Variants in ATP2B2 observed in about 807,000 individuals in gnomAD.
The protein encoded by ATP2B2 is plasma membrane calcium-transporting ATPase 2.
ATP2B2 carries 15 observed loss-of-function variants against 120.0 expected under a neutral mutation model. The ratio of observed to expected loss-of-function variants is 0.12; its 90% CI spans 0.08 to 0.19. The LOEUF (loss-of-function observed/expected upper bound fraction) is 0.19. ATP2B2 is among the 10% of genes least tolerant of loss of function. The pLI, the probability that ATP2B2 is intolerant of heterozygous loss-of-function variation, is 1.00. For missense variants in ATP2B2, 1,045 were observed against 1,719.8 expected (o/e 0.61, Z 6.94); for synonymous variants, 694 against 700.3 (o/e 0.99, Z 0.14).
At chr3:10,674,200 C>T (rs2071189275) in intron 1 of ATP2B2, among the ~76,000 whole-genome samples, 1 of 152,300 alleles carries the variant, frequency 6.6e-6, no homozygotes, top group East Asian at 1.9e-4. Flanking sequence ...CCTTTCCCCT[C>T]TCCCTTTGGG....
At chr3:10,603,185 G>C (rs992772253) in intron 2 of ATP2B2, among the ~76,000 whole-genome samples, 6 of 152,220 alleles carry the variant, frequency 3.9e-5, no homozygotes, top group Admixed American at 6.5e-5. Flanking sequence ...CTCTGGGCCT[G>C]GCTTCATTTC....
intron 2 of ATP2B2, among the ~76,000 whole-genome samples, chr3:10,596,388 TA>T (rs2068764949): frequency 6.6e-6 from 1 of 152,244 alleles, no homozygotes; most frequent in African/African-American, 2.4e-5. Context: ...AGACACTTAA[TA>T]AATGTTTGCT....
At chr3:10,394,576 C>G (rs1387032293) in intron 5 of ATP2B2, 3 of 458,054 alleles carry the variant, frequency 6.5e-6, no homozygotes, top group African/African-American at 6.0e-5. Context: ...GAGTAGCAGA[C>G]TGGGCCTTCT....
At chr3:10,397,937 CT>C (rs1559283835) in intron 5 of ATP2B2, among the ~76,000 whole-genome samples, 1 of 152,190 alleles carries the variant, frequency 6.6e-6, no homozygotes, top group African/African-American at 2.4e-5. Flanking sequence ...AGCTATGCCC[CT>C]TTATCACTTT....
At chr3:10,475,293 G>T (rs953820750) in intron 1 of ATP2B2, among the ~76,000 whole-genome samples, 1 of 152,240 alleles carries the variant, frequency 6.6e-6, no homozygotes, top group Non-Finnish European at 1.5e-5. Context: ...AGCACATGGG[G>T]GAGGTGGGGG....
intron 1 of ATP2B2, among the ~76,000 whole-genome samples, chr3:10,481,990 C>T (rs575305365): frequency 5.3e-5 from 8 of 152,312 alleles, no homozygotes; most frequent in South Asian, 2.1e-4. Context: ...TGGTTTGCCT[C>T]GGACTGAGGG....
rs548820426 is a variant in ATP2B2 at position 10,538,822 on chromosome 3, G to A, written c.-414-4689C>T. 2.0e-5 allele frequency among the ~76,000 whole-genome samples: 3 copies of A among 152,298 alleles called. No homozygotes were observed. In the East Asian group the frequency reaches 5.8e-4, roughly 29 times the overall value. ...TCCCTTTGAAAACTGGCACAAGACA[G>A]GGATGCTCTCTCTCACCACTCCTAT... On this transcript the variant is annotated intron_variant, in intron 2 of 21. Coordinates refer to the ATP2B2 transcript ENST00000646379.
At chr3:10,518,118 C>T (rs185131712) in intron 3 of ATP2B2, among the ~76,000 whole-genome samples, 1 of 152,342 alleles carries the variant, frequency 6.6e-6, no homozygotes, top group East Asian at 1.9e-4. Flanking sequence ...AACCCTCAAA[C>T]TCCAGTAATG....
chr3:10,421,220 T>C (rs931145810), intron 2 of ATP2B2, among the ~76,000 whole-genome samples: 2 of 152,170 alleles, frequency 1.3e-5, no homozygotes, highest in African/African-American at 2.4e-5. Context: ...CCTTTGAGCC[T>C]CGCCAACAAC....
chr3:10,374,058 G>A (rs2061316265), intron 11 of ATP2B2, among the ~76,000 whole-genome samples: 1 of 152,178 alleles, frequency 6.6e-6, no homozygotes, highest in Non-Finnish European at 1.5e-5. Flanking sequence ...GACTGTAAAA[G>A]TACCTAACTT....
chr3:10,436,634 T>C (rs1055362638), intron 2 of ATP2B2, among the ~76,000 whole-genome samples: 10 of 152,236 alleles, frequency 6.6e-5, no homozygotes, highest in Non-Finnish European at 1.5e-4. Flanking sequence ...CATGTCCCCG[T>C]TTCCTTCTGG....
At chr3:10,608,025 T>C (rs1451284325) in intron 2 of ATP2B2, among the ~76,000 whole-genome samples, 5 of 152,208 alleles carry the variant, frequency 3.3e-5, no homozygotes, top group Non-Finnish European at 7.4e-5. Flanking sequence ...CTGTCCACTT[T>C]GAAATCATCC....
intron 3 of ATP2B2, among the ~76,000 whole-genome samples, chr3:10,408,900 C>G (rs991555448): frequency 6.6e-6 from 1 of 152,192 alleles, no homozygotes; most frequent in African/African-American, 2.4e-5. Context: ...AGCTGAGGGA[C>G]AGGACCGAGG....
intron 2 of ATP2B2, among the ~76,000 whole-genome samples, chr3:10,417,286 GGT>G (rs1182345548): frequency 1.3e-5 from 2 of 151,672 alleles, no homozygotes; most frequent in African/African-American, 4.8e-5. Flanking sequence ...GCCGAGCAGA[GGT>G]GCTCCTCACT....
At chr3:10,574,918 C>A (rs2068209633) in intron 2 of ATP2B2, among the ~76,000 whole-genome samples, 1 of 152,092 alleles carries the variant, frequency 6.6e-6, no homozygotes, top group Non-Finnish European at 1.5e-5. Flanking sequence ...CTGTCCCTTG[C>A]AGGGAGTGTG....
rs2062238887 is a variant in ATP2B2, at chr3:10,402,039, A to C, written c.655+52T>G. ...TCTTTGCATCAGCCTGGCCTGTCCC[A>C]CCTCTGCCGGAATCCAGCTTTAGAA... On this transcript the variant is annotated intron_variant, in intron 4 of 22. Coordinates refer to ENST00000360273, the MANE Select transcript of ATP2B2 (RefSeq NM_001001331.4). The surrounding 1 kb of genome is among the most constrained non-coding windows in gnomAD (Gnocchi z 4.9). 2.5e-6 allele frequency: 4 copies of C among 1,607,278 alleles called. No individual in the cohort carries two copies. The highest frequency in any genetic ancestry group is 3.3e-5 in the Admixed American group (2 of 59,986).
intron 2 of ATP2B2, among the ~76,000 whole-genome samples, chr3:10,584,888 T>C (rs1343563372): frequency 6.6e-6 from 1 of 152,216 alleles, no homozygotes; most frequent in Non-Finnish European, 1.5e-5. Context: ...AAATGGCCAC[T>C]ATCTTCCCAG....
intron 1 of ATP2B2, among the ~76,000 whole-genome samples, chr3:10,462,140 C>T (rs2064518650): frequency 6.6e-6 from 1 of 152,206 alleles, no homozygotes; most frequent in African/African-American, 2.4e-5. Context: ...CCCAGACCGA[C>T]CTTTCCACCA....
At chr3:10,548,875 C>T (rs2067607276) in intron 2 of ATP2B2, among the ~76,000 whole-genome samples, 1 of 152,174 alleles carries the variant, frequency 6.6e-6, no homozygotes, top group African/African-American at 2.4e-5. Flanking sequence ...CATATTTGAA[C>T]CCAGGCTTGT....
Sources: allele counts gnomAD v4.1 joint callset (sites outside exome capture counted in the v4.1 genomes callset), GRCh38; gene constraint gnomAD v4.1.1; non-coding constraint Gnocchi (gnomAD v3.1); transcripts MANE v1.5; gene names NCBI Gene and HGNC (gene_info 2026-07-23, HGNC 2026-07-21).